PDE4D: variants seen among roughly 807,000 people sequenced by gnomAD.
PDE4D encodes phosphodiesterase 4D, also known as 3',5'-cyclic-AMP phosphodiesterase 4D.
In PDE4D, 24 loss-of-function variants were observed where a neutral mutation model predicts 87.4. The observed-to-expected ratio is 0.27, with a 90% CI of 0.20 to 0.39. The LOEUF is 0.39. Among genes scored for constraint, PDE4D ranks in the 10% least tolerant of loss-of-function variants. The probability of loss-of-function intolerance (pLI) is 1.00; values close to 1 mark genes in which losing one functional copy is unlikely to be tolerated. For missense variants in PDE4D, 714 were observed against 1,041.0 expected (o/e 0.69, Z 4.32); for synonymous variants, 384 against 383.2 (o/e 1.00, Z -0.02).
At chr5:59,095,386 A>G (rs1009598478) in intron 5 of PDE4D, among the ~76,000 whole-genome samples, 3 of 151,866 alleles carry the variant, frequency 2.0e-5, no homozygotes, top group African/African-American at 7.3e-5. Flanking sequence ...CTTTCTTGGT[A>G]TTATAGTATT....
chr5:60,047,931 T>C (rs1010629986), intron 2 of PDE4D, among the ~76,000 whole-genome samples: 21 of 152,294 alleles, frequency 1.4e-4, no homozygotes, highest in Admixed American at 5.9e-4. Context: ...GTTGACTTTG[T>C]GTCTCGTTGC....
intron 1 of PDE4D, among the ~76,000 whole-genome samples, chr5:60,392,880 TAAG>T (rs566187678): frequency 4.3e-4 from 65 of 152,316 alleles, no homozygotes; most frequent in African/African-American, 1.5e-3. Context: ...AGAGTTCCCC[TAAG>T]AAGGATACCA....
chr5:59,973,234 A>G (rs554377126), intron 3 of PDE4D, among the ~76,000 whole-genome samples: 1 of 152,340 alleles, frequency 6.6e-6, no homozygotes, highest in South Asian at 2.1e-4. Context: ...TTGGATAAAC[A>G]CTTATTTTCA....
intron 1 of PDE4D, among the ~76,000 whole-genome samples, chr5:59,414,638 G>A (rs763254257): frequency 7.2e-5 from 11 of 152,236 alleles, no homozygotes; most frequent in Non-Finnish European, 1.5e-5. Flanking sequence ...ACAAAGGAAT[G>A]TCATTCACTA....
chr5:59,943,953 G>A lies in PDE4D; in HGVS notation c.272+44535C>T, dbSNP rs139033706. On this transcript the variant is annotated intron_variant, in intron 3 of 16. Coordinates refer to the PDE4D transcript ENST00000502484. ...AGCAAGAAGATGAATGGCAAATGAG[G>A]AAATGCAGGGAGGAAAGGTCACTTG... 9.8e-5 allele frequency among the ~76,000 whole-genome samples: 15 copies of A among 152,302 alleles called. No homozygotes were observed. The South Asian group carries it at 2.3e-3, about 23-fold the overall frequency.
At chr5:59,750,745 G>A (rs758575997) in intron 1 of PDE4D, among the ~76,000 whole-genome samples, 9 of 151,954 alleles carry the variant, frequency 5.9e-5, no homozygotes, top group Non-Finnish European at 1.3e-4. Context: ...AGACCAGCCT[G>A]GGCAACATAG....
At chr5:60,408,374 C>T (rs982037328) in intron 1 of PDE4D, among the ~76,000 whole-genome samples, 4 of 152,328 alleles carry the variant, frequency 2.6e-5, no homozygotes, top group African/African-American at 9.6e-5. Flanking sequence ...TAAGTAGTTT[C>T]CACTTGGGTG....
chr5:60,337,164 C>CAA (rs10525960), intron 1 of PDE4D, among the ~76,000 whole-genome samples: 7 of 106,384 alleles, frequency 6.6e-5, no homozygotes, highest in African/African-American at 1.5e-4. Flanking sequence ...ACTGAAAATA[C>CAA]AAAAAAAAAA....
chr5:59,826,347 TAGA>T (rs1770317768), intron 1 of PDE4D, among the ~76,000 whole-genome samples: 1 of 152,188 alleles, frequency 6.6e-6, no homozygotes. Context: ...AAATTTACAG[TAGA>T]AGCTACGGAA....
chr5:60,501,423 C>T (rs1561318719), intron 1 of PDE4D, among the ~76,000 whole-genome samples: 1 of 151,796 alleles, frequency 6.6e-6, no homozygotes, highest in Non-Finnish European at 1.5e-5. Context: ...GGGTTGGTTC[C>T]AAGTCTTTGC....
chr5:60,059,893 C>G (rs1386515809), intron 2 of PDE4D, among the ~76,000 whole-genome samples: 2 of 151,934 alleles, frequency 1.3e-5, no homozygotes, highest in Non-Finnish European at 2.9e-5. Flanking sequence ...CTGATCCCCC[C>G]CAGGAAAACT....
chr5:60,464,752 C>G (rs193241569), intron 1 of PDE4D, among the ~76,000 whole-genome samples: 1 of 152,118 alleles, frequency 6.6e-6, no homozygotes, highest in Non-Finnish European at 1.5e-5. Context: ...CAAATTTCCA[C>G]TCATCATACT....
chr5:60,108,115 G>A (rs558473881), intron 2 of PDE4D, among the ~76,000 whole-genome samples: 56 of 151,736 alleles, frequency 3.7e-4, no homozygotes, highest in African/African-American at 1.1e-3. Context: ...AAACCCCATC[G>A]TCTCAGCCCA....
chr5:59,077,070 C>T (rs977886794), intron 5 of PDE4D, among the ~76,000 whole-genome samples: 9 of 152,106 alleles, frequency 5.9e-5, no homozygotes, highest in Non-Finnish European at 1.3e-4. Flanking sequence ...CCTAACTCTG[C>T]CACTTAAATG....
At chr5:59,240,683 G>T (rs1757462175) in intron 1 of PDE4D, among the ~76,000 whole-genome samples, 1 of 152,052 alleles carries the variant, frequency 6.6e-6, no homozygotes, top group African/African-American at 2.4e-5. Flanking sequence ...TAGCCACCCT[G>T]TTGCAAAGAG....
At chr5:60,266,727 C>A (rs1412808418) in intron 1 of PDE4D, among the ~76,000 whole-genome samples, 1 of 152,178 alleles carries the variant, frequency 6.6e-6, no homozygotes, top group African/African-American at 2.4e-5. Context: ...GAGTTTATTT[C>A]TAAGAGAGCA....
intron 5 of PDE4D, among the ~76,000 whole-genome samples, chr5:59,068,170 T>C (rs951222722): frequency 4.6e-5 from 7 of 152,148 alleles, no homozygotes; most frequent in African/African-American, 9.6e-5. Context: ...CTCAGTATCA[T>C]TGTTCATAAG....
chr5:59,218,930 A>T (rs1751849706), intron 1 of PDE4D, among the ~76,000 whole-genome samples: 1 of 151,384 alleles, frequency 6.6e-6, no homozygotes, highest in African/African-American at 2.4e-5. Context: ...CATTCTCAGT[A>T]AACTATCGCA....
intron 3 of PDE4D, among the ~76,000 whole-genome samples, chr5:59,976,628 C>T (rs1206648299): frequency 6.6e-6 from 1 of 152,170 alleles, no homozygotes; most frequent in Non-Finnish European, 1.5e-5. Context: ...GTAAATTAGC[C>T]AGTCACACGT....
Sources: gnomAD v4.1 joint callset for allele counts (sites outside exome capture counted in the v4.1 genomes callset) on GRCh38, gnomAD v4.1.1 for gene constraint, MANE v1.5 for transcripts, NCBI Gene and HGNC (gene_info 2026-07-23, HGNC 2026-07-21) for gene names.